GLIPR1L2: variants seen among roughly 807,000 people sequenced by gnomAD.
GLIPR1L2 encodes GLIPR1 like 2, also known as GLIPR1-like protein 2.
Under a neutral mutation model 28.4 loss-of-function variants are expected in GLIPR1L2, and 21 were observed. That is an observed-to-expected ratio of 0.74 (90% CI 0.52 to 1.06). GLIPR1L2 has a LOEUF of 1.06. GLIPR1L2 is among the 50% of genes least tolerant of loss of function. The pLI, the probability that GLIPR1L2 is intolerant of heterozygous loss-of-function variation, is 0.00. For missense variants in GLIPR1L2, 476 were observed against 416.9 expected, an observed-to-expected ratio of 1.14 and a Z score of -1.23; for synonymous variants, 145 against 139.3, an observed-to-expected ratio of 1.04 and a Z score of -0.29.
rs1593989653 is a variant in GLIPR1L2 at position 75,391,489 on chromosome 12, C to T, written c.234+139C>T. 5.8e-6 allele frequency: 9 copies of T among 1,544,238 alleles called. No homozygotes were observed. In the East Asian group the frequency reaches 1.5e-4, roughly 25 times the overall value. On this transcript the variant is annotated intron_variant, in intron 1 of 5. Coordinates refer to ENST00000550916, the MANE Select transcript of GLIPR1L2 (RefSeq NM_001270396.2). ...CTTTTAGCTTGGTTTTTAAAGTACACGTGAAGTTTACACAGAGAAAAACTG... is the reference window on the plus strand; with the variant it reads ...CTTTTAGCTTGGTTTTTAAAGTACATGTGAAGTTTACACAGAGAAAAACTG...
chr12:75,430,994 A>G lies in GLIPR1L2; in HGVS notation c.868A>G (p.Thr290Ala), dbSNP rs201431673. The G allele has an allele frequency of 3.9e-6, 6 of 1,535,256 alleles. No homozygotes were observed. The highest frequency in any genetic ancestry group is 1.2e-5 in the South Asian group (1 of 83,988). Residue 290 changes from threonine (T) to alanine (A), a missense_variant, in exon 6 of 6, where the codon ACC becomes GCC. Physicochemically the swap from Thr to Ala is moderately conservative, Grantham distance 58. Coordinates refer to ENST00000550916, the MANE Select transcript of GLIPR1L2 (RefSeq NM_001270396.2). The part of the protein sequence containing the change: ...NILLEQQMIF[T>A]PEESEAGNEE... ...CTTGTTGGAACAACAAATGATATTT[A>G]CCCCTGAGGAATCTGAAGCAGGGAA... is the stretch of plus-strand genomic sequence containing the variant.
chr12:75,427,592 A>G (rs1417207836), intron 4 of GLIPR1L2, among the ~76,000 whole-genome samples: 2 of 152,096 alleles, frequency 1.3e-5, no homozygotes, highest in Middle Eastern at 3.2e-3. Context: ...TCCTCCTACT[A>G]TGCTTCCTAG....
chr12:75,421,180 G>A (rs368892141), intron 3 of GLIPR1L2, among the ~76,000 whole-genome samples: 5 of 151,674 alleles, frequency 3.3e-5, no homozygotes, highest in Non-Finnish European at 7.4e-5. Context: ...ATAGACCAGG[G>A]TGTAGCTAAA....
intron 4 of GLIPR1L2, among the ~76,000 whole-genome samples, chr12:75,427,091 G>A (rs1473997233): frequency 4.6e-5 from 7 of 152,002 alleles, no homozygotes; most frequent in Non-Finnish European, 8.8e-5. Flanking sequence ...ATAAAACTTG[G>A]GAGGAGAAGA....
Position 75,424,658 on chromosome 12 carries a change from C to A in GLIPR1L2, c.670+1669C>A, listed in dbSNP as rs2046015397. On this transcript the variant is annotated intron_variant, in intron 4 of 5. Transcript: ENST00000550916. ...AGAGACAGGATCTTGTTGTGTTGCC[C>A]AGGCTGGTCTCAAACTCCTGGCCTC... Among the ~76,000 whole-genome samples, 3 of 151,768 alleles carry A rather than the reference C, an allele frequency of 2.0e-5. No individual in the cohort carries two copies. In the South Asian group the frequency reaches 6.3e-4, roughly 32 times the overall value.
intron 3 of GLIPR1L2, among the ~76,000 whole-genome samples, chr12:75,422,641 T>G (rs1165346746): frequency 5.3e-5 from 8 of 152,120 alleles, no homozygotes; most frequent in Non-Finnish European, 1.0e-4. Flanking sequence ...TGCTATAAAC[T>G]AAAATGAAAG....
At position 75,430,731 on chromosome 12, in the gene GLIPR1L2, C is replaced by A; in HGVS notation, c.687C>A (p.Asp229Glu). The change falls in exon 5 of 6, where the codon GAC (aspartate) becomes GAA (glutamate). Residue 229 changes from aspartate (D) to glutamate (E), a missense_variant. By Grantham distance (45) the Asp-to-Glu change is conservative. Coordinates refer to ENST00000550916, the MANE Select transcript of GLIPR1L2 (RefSeq NM_001270396.2). ...TDFLCSNADR[D>E]QATYYRFWYP... Reference sequence around the variant, plus strand: ...TCTTTCTAGGTAATGCAGATCGTGACCAAGCCACATGTATGTATTGTTGTC... The same window carrying A: ...TCTTTCTAGGTAATGCAGATCGTGAACAAGCCACATGTATGTATTGTTGTC... 3.3e-6 allele frequency: 5 copies of A among 1,534,760 alleles called. No individual in the cohort carries two copies. The highest frequency in any genetic ancestry group is 4.4e-6 in the Non-Finnish European group (5 of 1,146,424).
At chr12:75,399,777 T>C (rs1282044959) in intron 1 of GLIPR1L2, among the ~76,000 whole-genome samples, 2 of 152,234 alleles carry the variant, frequency 1.3e-5, no homozygotes, top group Admixed American at 1.3e-4. Flanking sequence ...CTGGATTTTG[T>C]GTCAAAGTCA....
intron 4 of GLIPR1L2, among the ~76,000 whole-genome samples, chr12:75,425,781 TG>T (rs2046028271): frequency 6.6e-6 from 1 of 152,000 alleles, no homozygotes; most frequent in South Asian, 2.1e-4. Context: ...GGAAGCATAC[TG>T]GGGGATTGAT....
Position 75,391,461 on chromosome 12 carries a change from G to A in GLIPR1L2, c.234+111G>A, listed in dbSNP as rs959107760. The stretch of plus-strand genomic sequence containing the variant: ...TGAGGCTGAAGGATCGCGGAGAACC[G>A]CACTTTTAGCTTGGTTTTTAAAGTA... On this transcript the variant is annotated intron_variant, in intron 1 of 5. Transcript: ENST00000550916. The A allele has an allele frequency of 6.4e-6, 10 of 1,572,114 alleles. No individual in the cohort carries two copies. In the African/African-American group the frequency reaches 1.4e-4, roughly 21 times the overall value.
At chr12:75,428,669 G>A in intron 4 of GLIPR1L2, among the ~76,000 whole-genome samples, 1 of 152,158 alleles carries the variant, frequency 6.6e-6, no homozygotes, top group East Asian at 1.9e-4. Flanking sequence ...CCCATCACAG[G>A]CCCAGAGGCC....
chr12:75,427,050 A>G (rs189957536), intron 4 of GLIPR1L2, among the ~76,000 whole-genome samples: 1 of 152,324 alleles, frequency 6.6e-6, no homozygotes, highest in Non-Finnish European at 1.5e-5. Context: ...AAAATACAAG[A>G]AATATTGGAA....
chr12:75,409,654 T>G (rs2045842297), intron 1 of GLIPR1L2, among the ~76,000 whole-genome samples: 1 of 146,934 alleles, frequency 6.8e-6, no homozygotes, highest in Admixed American at 6.9e-5. Flanking sequence ...CTTATATATA[T>G]AATATATATG....
At chr12:75,406,224 A>G (rs1409469583) in intron 1 of GLIPR1L2, among the ~76,000 whole-genome samples, 4 of 152,072 alleles carry the variant, frequency 2.6e-5, no homozygotes, top group Non-Finnish European at 5.9e-5. Context: ...TTGCTTAAGT[A>G]TTGTTTCATA....
At chr12:75,429,787 G>A (rs750381393) in intron 4 of GLIPR1L2, among the ~76,000 whole-genome samples, 2 of 151,868 alleles carry the variant, frequency 1.3e-5, no homozygotes, top group Non-Finnish European at 2.9e-5. Context: ...AAAAGTGTTC[G>A]GCAGTTCTCC....
chr12:75,427,047 A>G (rs965535516), intron 4 of GLIPR1L2, among the ~76,000 whole-genome samples: 39 of 152,232 alleles, frequency 2.6e-4, no homozygotes, highest in African/African-American at 9.2e-4. Context: ...AAAAAAATAC[A>G]AGAAATATTG....
At chr12:75,392,077 A>C (rs1301774789) in intron 1 of GLIPR1L2, among the ~76,000 whole-genome samples, 3 of 152,156 alleles carry the variant, frequency 2.0e-5, no homozygotes, top group Non-Finnish European at 2.9e-5. Flanking sequence ...AATGACTGAA[A>C]ATCCGGCAAA....
At chr12:75,409,737 TAA>T (rs1397625488) in intron 1 of GLIPR1L2, among the ~76,000 whole-genome samples, 2 of 145,990 alleles carry the variant, frequency 1.4e-5, no homozygotes, top group Non-Finnish European at 3.0e-5. Context: ...CCGATATATA[TAA>T]GATGTATATC....
At chr12:75,428,522 A>G (rs1448318548) in intron 4 of GLIPR1L2, among the ~76,000 whole-genome samples, 1 of 148,894 alleles carries the variant, frequency 6.7e-6, no homozygotes, top group Non-Finnish European at 1.5e-5. Flanking sequence ...GAAAAAATAT[A>G]TATATATTTT....
Sources: gnomAD v4.1 joint callset for allele counts (sites outside exome capture counted in the v4.1 genomes callset) on GRCh38, gnomAD v4.1.1 for gene constraint, MANE v1.5 for transcripts, NCBI Gene and HGNC (gene_info 2026-07-23, HGNC 2026-07-21) for gene names.